The following FBXL17 variants were observed in gnomAD, a reference collection of about 807,000 sequenced individuals.
FBXL17 encodes F-box/LRR-repeat protein 17.
Under a neutral mutation model 66.2 loss-of-function variants are expected in FBXL17, and 22 were observed. The ratio of observed to expected loss-of-function variants is 0.33; its 90% CI spans 0.24 to 0.47. The LOEUF (loss-of-function observed/expected upper bound fraction) is 0.47. FBXL17 is among the 20% of genes least tolerant of loss of function. The pLI is 1.00. For synonymous variants in FBXL17, 474 were observed against 400.5 expected (o/e 1.18, Z -2.19); for missense variants, 878 against 948.2 (o/e 0.93, Z 0.97).
intron 5 of FBXL17, among the ~76,000 whole-genome samples, chr5:108,191,148 T>G (rs189555373): frequency 6.6e-6 from 1 of 152,332 alleles, no homozygotes. Flanking sequence ...AATACACATA[T>G]AGCATGACTT....
At position 107,923,025 on chromosome 5, in the gene FBXL17, C is replaced by T. The variant is rs575975783; in HGVS notation, c.1823-41846G>A. On this transcript the variant is annotated intron_variant, in intron 7 of 8. Transcript: ENST00000542267. ...AGGTGTGCAGAGAAAGCTTGTCAGA[C>T]TTGTTATAGTGGCAAAGCCCTTTTT... Among the ~76,000 whole-genome samples the T allele has an allele frequency of 3.3e-5, 5 of 152,210 alleles. No individual in the cohort carries two copies. The East Asian group carries it at 9.7e-4, about 29-fold the overall frequency.
intron 7 of FBXL17, among the ~76,000 whole-genome samples, chr5:107,885,213 T>A (rs536303838): frequency 6.6e-6 from 1 of 152,188 alleles, no homozygotes; most frequent in African/African-American, 2.4e-5. Flanking sequence ...ATGTGCTAAG[T>A]GCAACTAATG....
chr5:108,019,156 T>C (rs1383920647), intron 7 of FBXL17, among the ~76,000 whole-genome samples: 1 of 152,152 alleles, frequency 6.6e-6, no homozygotes, highest in African/African-American at 2.4e-5. Context: ...CGAGGTTAGG[T>C]ACCAGATACA....
chr5:108,035,108 T>C (rs1343100024), intron 6 of FBXL17, among the ~76,000 whole-genome samples: 1 of 152,210 alleles, frequency 6.6e-6, no homozygotes, highest in Non-Finnish European at 1.5e-5. Flanking sequence ...TCTCTCAGTG[T>C]GTAGTTATGT....
chr5:107,953,221 T>G (rs998724040), intron 7 of FBXL17, among the ~76,000 whole-genome samples: 5 of 151,744 alleles, frequency 3.3e-5, no homozygotes, highest in Admixed American at 6.6e-5. Context: ...GCTAACACGG[T>G]GAAACCCCGT....
At chr5:108,161,587 C>T (rs752369243) in intron 6 of FBXL17, among the ~76,000 whole-genome samples, 1 of 152,164 alleles carries the variant, frequency 6.6e-6, no homozygotes, top group Non-Finnish European at 1.5e-5. Flanking sequence ...GAGGTTAGAC[C>T]TTCCTCATCA....
intron 7 of FBXL17, among the ~76,000 whole-genome samples, chr5:107,997,060 C>T (rs1753502455): frequency 1.3e-5 from 2 of 152,196 alleles, no homozygotes; most frequent in African/African-American, 2.4e-5. Flanking sequence ...GGTCCCTTTG[C>T]ACCATGCCCC....
intron 4 of FBXL17, among the ~76,000 whole-genome samples, chr5:108,317,642 T>TA (rs965809816): frequency 5.3e-5 from 8 of 150,646 alleles, no homozygotes; most frequent in African/African-American, 1.7e-4. Context: ...GTAAGTACAA[T>TA]AAAAAAAAAT....
intron 4 of FBXL17, among the ~76,000 whole-genome samples, chr5:108,257,140 C>G (rs1293872888): frequency 6.6e-6 from 1 of 152,156 alleles, no homozygotes; most frequent in Non-Finnish European, 1.5e-5. Flanking sequence ...GATTAGCTAT[C>G]ACTTAAAAGT....
chr5:108,108,790 T>G (rs1288414677), intron 6 of FBXL17, among the ~76,000 whole-genome samples: 1 of 150,908 alleles, frequency 6.6e-6, no homozygotes, highest in Non-Finnish European at 1.5e-5. Context: ...GTTTTTGTTT[T>G]TTTTTTTTTT....
At chr5:108,031,496 G>A (rs189610886) in intron 6 of FBXL17, among the ~76,000 whole-genome samples, 1 of 151,904 alleles carries the variant, frequency 6.6e-6, no homozygotes, top group Non-Finnish European at 1.5e-5. Context: ...AATATCATAG[G>A]AGTTAAAAAA....
At chr5:108,032,724 G>A (rs1434275674) in intron 6 of FBXL17, among the ~76,000 whole-genome samples, 2 of 152,144 alleles carry the variant, frequency 1.3e-5, no homozygotes, top group Non-Finnish European at 2.9e-5. Context: ...AGGGAAACTA[G>A]TTTTGGACTT....
chr5:108,317,447 A>G (rs1408761007), intron 4 of FBXL17, among the ~76,000 whole-genome samples: 1 of 151,054 alleles, frequency 6.6e-6, no homozygotes, highest in African/African-American at 2.4e-5. Context: ...CATTGCATGC[A>G]GGTATCAAAA....
chr5:107,861,060 G>A lies in FBXL17; in HGVS notation c.*660C>T, dbSNP rs1748107115. On this transcript the variant is annotated 3_prime_UTR_variant, in exon 9 of 9. Coordinates refer to ENST00000542267, the MANE Select transcript of FBXL17 (RefSeq NM_001163315.3). The stretch of plus-strand genomic sequence containing the variant: ...GCTGGCCAGGAGAGTTCAGACTGTT[G>A]CCTCTATATAACAAATTTAGAAAAG... The A allele has an allele frequency of 6.6e-6, 1 of 152,154 alleles. No homozygotes were observed. Among genetic ancestry groups the A allele is most frequent in the Non-Finnish European group, 1.5e-5 (1 of 68,040 alleles). The allele number at this position is 152,154 out of a possible 1,614,324, so 9.4% of individuals were successfully genotyped here.
At chr5:108,133,571 T>C (rs1751017133) in intron 6 of FBXL17, among the ~76,000 whole-genome samples, 6 of 151,984 alleles carry the variant, frequency 3.9e-5, no homozygotes, top group Admixed American at 3.9e-4. Context: ...TCTCAGTGCC[T>C]ACCATGATGA....
At chr5:108,314,697 A>G (rs1244569975) in intron 4 of FBXL17, among the ~76,000 whole-genome samples, 1 of 151,572 alleles carries the variant, frequency 6.6e-6, no homozygotes, top group Non-Finnish European at 1.5e-5. Flanking sequence ...TCTAAGAGTG[A>G]TGATGAATTT....
rs1226288868 is a variant in FBXL17, at chr5:108,021,286, C to G, written c.1746-285G>C. On this transcript the variant is annotated intron_variant, in intron 6 of 8. Transcript: ENST00000542267. ...GTAATAAAAGACTAGTAAACATATG[C>G]TATTTAATGAATATATATTATTTAT... 4.0e-5 allele frequency among the ~76,000 whole-genome samples: 6 copies of G among 149,192 alleles called. No individual in the cohort carries two copies. In the Admixed American group the frequency reaches 4.0e-4, roughly 10 times the overall value.
intron 4 of FBXL17, among the ~76,000 whole-genome samples, chr5:108,326,910 T>C (rs140880294): frequency 1.3e-5 from 2 of 152,284 alleles, no homozygotes; most frequent in East Asian, 3.9e-4. Flanking sequence ...AAACTCATAA[T>C]TTCTCACAAA....
chr5:107,878,799 G>C, intron 8 of FBXL17: 2 of 985,470 alleles, frequency 2.0e-6, no homozygotes, highest in Non-Finnish European at 1.2e-6. Context: ...AGAGCCTCTC[G>C]TGTTTGGCTC....
Sources: gnomAD v4.1 joint callset for allele counts (sites outside exome capture counted in the v4.1 genomes callset) on GRCh38, gnomAD v4.1.1 for gene constraint, MANE v1.5 for transcripts, NCBI Gene and HGNC (gene_info 2026-07-23, HGNC 2026-07-21) for gene names.